PLD3: variants seen among roughly 807,000 people sequenced by gnomAD.
PLD3 encodes the protein 5'-3' exonuclease PLD3.
Under a neutral mutation model 58.4 loss-of-function variants are expected in PLD3, and 31 were observed. The observed-to-expected ratio is 0.53, with a 90% CI of 0.40 to 0.72. PLD3 has a LOEUF of 0.72. Ranked by LOEUF, PLD3 falls within the 30% of genes least tolerant of loss-of-function variation. PLD3 has a pLI of 0.00. For synonymous variants in PLD3, 264 were observed against 273.4 expected (o/e 0.97, Z 0.34); for missense variants, 595 against 659.8 (o/e 0.90, Z 1.08).
rs193130096 is a variant in PLD3, at chr19:40,375,232, A to C, written c.1019+612A>C. ...GGCAGGAAGCCTGAGGCAGGGGTGC[A>C]GGATGTGGGATTTGGGGAGGTAGGA... On this transcript the variant is annotated intron_variant, in intron 10 of 12. Coordinates refer to ENST00000409735, the MANE Select transcript of PLD3 (RefSeq NM_012268.4). 1.1e-3 allele frequency among the ~76,000 whole-genome samples: 161 copies of C among 151,746 alleles called. 1 individual carries two copies. The highest frequency in any genetic ancestry group is 0.01 in the Middle Eastern group (3 of 294).
chr19:40,372,127 C>T (rs1028794716), intron 9 of PLD3, among the ~76,000 whole-genome samples: 2 of 152,200 alleles, frequency 1.3e-5, no homozygotes, highest in African/African-American at 4.8e-5. Flanking sequence ...CACACCAAAC[C>T]TTTGGTGCTC....
intron 1 of PLD3, among the ~76,000 whole-genome samples, chr19:40,350,554 G>A (rs1354719761): frequency 1.3e-5 from 2 of 151,592 alleles, no homozygotes; most frequent in Admixed American, 1.3e-4. Flanking sequence ...GACCAGCCTG[G>A]ACAACATGGT....
At chr19:40,361,991 C>A (rs1452327962) in intron 1 of PLD3, among the ~76,000 whole-genome samples, 2 of 152,072 alleles carry the variant, frequency 1.3e-5, no homozygotes, top group South Asian at 4.1e-4. Flanking sequence ...CGCCCTCCAA[C>A]ACGCCCGGCT....
chr19:40,377,277 G>A (rs1442924479), intron 11 of PLD3, among the ~76,000 whole-genome samples: 4 of 133,632 alleles, frequency 3.0e-5, no homozygotes, highest in African/African-American at 1.1e-4. Context: ...GCAGGTAGAG[G>A]GGTCGGGGCT....
At chr19:40,374,412 C>G in intron 9 of PLD3, 69 bp from the exon 10 acceptor site, 2 of 1,560,048 alleles carry the variant, frequency 1.3e-6, no homozygotes, top group Non-Finnish European at 1.8e-6. Context: ...GGTGAGCTGT[C>G]CGTATGTGGG....
chr19:40,363,523 C>A (rs1052515239), intron 1 of PLD3, among the ~76,000 whole-genome samples: 4 of 152,190 alleles, frequency 2.6e-5, no homozygotes, highest in African/African-American at 7.2e-5. Context: ...CTCTGCCTCC[C>A]AGGTTCAAGC....
intron 6 of PLD3, among the ~76,000 whole-genome samples, chr19:40,368,665 G>C (rs2078988035): frequency 6.6e-6 from 1 of 152,122 alleles, no homozygotes; most frequent in African/African-American, 2.4e-5. Flanking sequence ...CACTTTGGGA[G>C]GCCTAGACAG....
chr19:40,376,699 G>A lies in PLD3; in HGVS notation c.1110G>A (p.Ser370=), dbSNP rs559436587. The A allele has an allele frequency of 1.1e-5, 18 of 1,604,468 alleles. No individual in the cohort carries two copies. The highest frequency in any genetic ancestry group is 1.1e-4 in the South Asian group (10 of 91,084). ...TGCTCATCAGCTGCTGGGGACACTC[G>A]GAGCCATCCATGCGGGCCTTCCTGC... ...VRLLISCWGH[S]EPSMRAFLLS... The change falls in exon 11 of 13, where the codon TCG becomes TCA. Residue 370 remains serine, a synonymous_variant. Coordinates refer to ENST00000409735, the MANE Select transcript of PLD3 (RefSeq NM_012268.4).
chr19:40,368,377 AGAGTCAG>A (rs1364786861), intron 6 of PLD3, among the ~76,000 whole-genome samples: 5 of 152,242 alleles, frequency 3.3e-5, no homozygotes, highest in Non-Finnish European at 7.3e-5. Flanking sequence ...TGCCTGGCAC[AGAGTCAG>A]CCTTTGTGAG....
chr19:40,378,320 C>A lies in PLD3; in HGVS notation c.*147C>A, dbSNP rs766312803. On this transcript the variant is annotated 3_prime_UTR_variant, in exon 13 of 13. Transcript: ENST00000409735. ...TCCCCTGCTCTCCCACCTCTACCTC[C>A]ACCCCCACCGGCCTGACGCTGTGGC... 3.4e-5 allele frequency: 27 copies of A among 783,340 alleles called. No individual in the cohort carries two copies. In the Admixed American group the frequency reaches 4.7e-4, roughly 14 times the overall value. The allele number at this position is 783,340 out of a possible 1,614,324, so 48.5% of individuals were successfully genotyped here.
At chr19:40,360,790 G>A (rs967719918) in intron 1 of PLD3, among the ~76,000 whole-genome samples, 1 of 152,004 alleles carries the variant, frequency 6.6e-6, no homozygotes, top group African/African-American at 2.4e-5. Flanking sequence ...ATGACCTTCT[G>A]CCTGTTCTAT....
At chr19:40,350,397 A>G (rs1482202139) in intron 1 of PLD3, among the ~76,000 whole-genome samples, 2 of 152,098 alleles carry the variant, frequency 1.3e-5, no homozygotes, top group African/African-American at 2.4e-5. Flanking sequence ...AGCATGTACT[A>G]TATATGTGCC....
At chr19:40,354,092 G>C (rs1167060181) in intron 1 of PLD3, among the ~76,000 whole-genome samples, 1 of 44,752 alleles carries the variant, frequency 2.2e-5, no homozygotes, top group Non-Finnish European at 4.4e-5. Flanking sequence ...TTTTTTTTTT[G>C]AGACAGAGTC....
At chr19:40,359,023 C>T (rs2078717564) in intron 1 of PLD3, 1 of 152,306 alleles carries the variant, frequency 6.6e-6, no homozygotes, top group African/African-American at 2.4e-5. Context: ...AGTGCCCTCT[C>T]CCAGATGAGA....
intron 9 of PLD3, among the ~76,000 whole-genome samples, 186 bp from the exon 10 acceptor site, chr19:40,374,295 T>TTACCC (rs2079138214): frequency 6.6e-6 from 1 of 152,200 alleles, no homozygotes; most frequent in Non-Finnish European, 1.5e-5. Context: ...AGTAAGTCAC[T>TTACCC]TACCCTCTCT....
chr19:40,378,183 C>T lies in PLD3; in HGVS notation c.*10C>T. ...CTGCCGCCTGCTCTGAGGCCCGATCCAGTGGGCAGGCCAAGGCCTGCTGGG... is the reference window on the plus strand; with the variant it reads ...CTGCCGCCTGCTCTGAGGCCCGATCTAGTGGGCAGGCCAAGGCCTGCTGGG... On this transcript the variant is annotated 3_prime_UTR_variant, in exon 13 of 13. Coordinates refer to ENST00000409735, the MANE Select transcript of PLD3 (RefSeq NM_012268.4). 1 of 1,603,586 alleles carries T rather than the reference C, an allele frequency of 6.2e-7. No individual in the cohort carries two copies. The highest frequency in any genetic ancestry group is 1.3e-5 in the African/African-American group (1 of 74,856).
Position 40,377,975 on chromosome 19 carries a change from T to C in PLD3, c.1286-11T>C, listed in dbSNP as rs200120635. On this transcript the variant is annotated splice_polypyrimidine_tract_variant and intron_variant, in intron 12 of 12. Transcript: ENST00000409735. ...CGAGGGTGCCCTTATGCTCCACCCA[T>C]TCCTCTCTAGGAACCTCCAACTGGT... The C allele has an allele frequency of 3.9e-4, 636 of 1,612,328 alleles. No individual in the cohort carries two copies. The highest frequency in any genetic ancestry group is 5.0e-4 in the Non-Finnish European group (595 of 1,178,852).
chr19:40,377,737 C>A, intron 11 of PLD3, 49 bp from the exon 12 acceptor site: 1 of 1,399,482 alleles, frequency 7.1e-7, no homozygotes, highest in Non-Finnish European at 1.0e-6. Flanking sequence ...GGGGCTCCTC[C>A]GACTCCCCCT....
chr19:40,364,336 A>C (rs2078861443), intron 1 of PLD3, among the ~76,000 whole-genome samples: 1 of 151,906 alleles, frequency 6.6e-6, no homozygotes, highest in South Asian at 2.1e-4. Flanking sequence ...CCTGGGCAAA[A>C]GAGCGAAACT....
Sources: gnomAD v4.1 joint callset for allele counts (sites outside exome capture counted in the v4.1 genomes callset) on GRCh38, gnomAD v4.1.1 for gene constraint, MANE v1.5 for transcripts, NCBI Gene and HGNC (gene_info 2026-07-23, HGNC 2026-07-21) for gene names.